The following CTNNA3 variants were observed in gnomAD, a reference collection of about 807,000 sequenced individuals.
CTNNA3 encodes catenin alpha-3.
CTNNA3 carries 76 observed loss-of-function variants against 95.7 expected under a neutral mutation model. The observed-to-expected ratio is 0.79, with a 90% CI of 0.66 to 0.96. The LOEUF is 0.96. Ranked by LOEUF, CTNNA3 falls within the 40% of genes least tolerant of loss-of-function variation. CTNNA3 has a pLI of 0.00. For synonymous variants in CTNNA3, 431 were observed against 374.4 expected, an observed-to-expected ratio of 1.15 and a Z score of -1.74; for missense variants, 1,191 against 1,089.8, an observed-to-expected ratio of 1.09 and a Z score of -1.31.
rs146851964 is a variant in CTNNA3, at chr10:67,279,190, C to T, written c.580-59320G>A. On this transcript the variant is annotated intron_variant, in intron 5 of 17. Transcript: ENST00000433211. ...CATAAAACCTAGAGTCTAAGCAACA[C>T]CAAGCCCTCAAAAGACTAAGGACAC... Among the ~76,000 whole-genome samples the T allele has an allele frequency of 2.3e-4, 35 of 152,226 alleles. 1 individual carries two copies. The highest frequency in any genetic ancestry group is 8.4e-4 in the African/African-American group (35 of 41,534).
chr10:67,189,561 T>C (rs1863025539), intron 6 of CTNNA3, among the ~76,000 whole-genome samples: 1 of 151,650 alleles, frequency 6.6e-6, no homozygotes, highest in Non-Finnish European at 1.5e-5. Flanking sequence ...TTTCAAAACA[T>C]CATGTTATAC....
intron 12 of CTNNA3, among the ~76,000 whole-genome samples, chr10:66,287,072 C>T (rs1443192620): frequency 6.6e-6 from 1 of 152,084 alleles, no homozygotes; most frequent in Non-Finnish European, 1.5e-5. Flanking sequence ...ACACTTGCCT[C>T]CAAGTATATT....
rs568913201 is a variant in CTNNA3, at chr10:67,306,933, G to T, written c.580-87063C>A. Among the ~76,000 whole-genome samples, 168 of 152,320 alleles carry T rather than the reference G, an allele frequency of 1.1e-3. 1 individual carries two copies. The highest frequency in any genetic ancestry group is 3.9e-3 in the African/African-American group (163 of 41,560). On this transcript the variant is annotated intron_variant, in intron 5 of 17. Transcript: ENST00000433211. ...TTTAATGTAAGTGTTCATGGGAAGT[G>T]AAAGTAAACATTTTGCACACAGAGA...
At chr10:67,171,312 C>G (rs543631551) in intron 7 of CTNNA3, among the ~76,000 whole-genome samples, 1 of 152,254 alleles carries the variant, frequency 6.6e-6, no homozygotes, top group Non-Finnish European at 1.5e-5. Context: ...CAGTGGCTCA[C>G]GCCCATAATC....
chr10:66,009,544 A>G (rs2078965083), intron 15 of CTNNA3, among the ~76,000 whole-genome samples: 1 of 152,142 alleles, frequency 6.6e-6, no homozygotes, highest in Non-Finnish European at 1.5e-5. Flanking sequence ...ACTTTCTAAT[A>G]TTTTCTTTTC....
At chr10:66,392,073 A>C (rs200120742) in intron 11 of CTNNA3, among the ~76,000 whole-genome samples, 5,439 of 69,396 alleles carry the variant, frequency 0.078, 126 homozygotes, top group East Asian at 0.16. Flanking sequence ...ATTTTTTTAC[A>C]AAAAAATGAA....
At chr10:66,575,771 T>C (rs2129280) in intron 10 of CTNNA3, among the ~76,000 whole-genome samples, 43,695 of 151,990 alleles carry the variant, frequency 0.29, 6,690 homozygotes, top group Middle Eastern at 0.42. Flanking sequence ...TCAAAGCAAA[T>C]ACAACATAAC....
At chr10:67,395,970 A>G (rs1487993088) in intron 5 of CTNNA3, among the ~76,000 whole-genome samples, 1 of 152,190 alleles carries the variant, frequency 6.6e-6, no homozygotes, top group Non-Finnish European at 1.5e-5. Context: ...ATTTTTTAGT[A>G]TTATTAACAG....
At chr10:66,140,295 T>G (rs1432848375) in intron 13 of CTNNA3, among the ~76,000 whole-genome samples, 3 of 152,186 alleles carry the variant, frequency 2.0e-5, no homozygotes, top group South Asian at 2.1e-4. Context: ...TCCCTCCTCC[T>G]TTCAATTCTT....
chr10:67,355,209 T>G (rs374279297), intron 5 of CTNNA3, among the ~76,000 whole-genome samples: 1 of 152,148 alleles, frequency 6.6e-6, no homozygotes, highest in Non-Finnish European at 1.5e-5. Context: ...AATTAAACTT[T>G]ATTGATATTT....
Position 67,268,824 on chromosome 10 carries a change from G to A in CTNNA3, c.580-48954C>T, listed in dbSNP as rs560020303. The stretch of plus-strand genomic sequence containing the variant: ...ATGACATTGCCCTAGGCTTTGTTGG[G>A]GATAAAAGTTAAAATATCTCAATCT... On this transcript the variant is annotated intron_variant, in intron 5 of 17. Coordinates refer to ENST00000433211, the MANE Select transcript of CTNNA3 (RefSeq NM_013266.4). Among the ~76,000 whole-genome samples, 3 of 152,042 alleles carry A rather than the reference G, an allele frequency of 2.0e-5. No homozygotes were observed. The East Asian group carries it at 5.8e-4, about 29-fold the overall frequency.
intron 12 of CTNNA3, among the ~76,000 whole-genome samples, chr10:66,321,441 A>G (rs2092184201): frequency 6.6e-6 from 1 of 152,250 alleles, no homozygotes; most frequent in Middle Eastern, 3.4e-3. Context: ...TTAACTGTGC[A>G]ATTAAAGTGA....
intron 9 of CTNNA3, among the ~76,000 whole-genome samples, chr10:66,713,903 C>T (rs546668949): frequency 4.6e-5 from 7 of 152,166 alleles, no homozygotes; most frequent in South Asian, 2.1e-4. Context: ...GGTGAACATG[C>T]ATCCTGCTGC....
intron 9 of CTNNA3, among the ~76,000 whole-genome samples, chr10:66,678,020 A>G (rs1245095226): frequency 6.6e-6 from 1 of 152,170 alleles, no homozygotes; most frequent in Non-Finnish European, 1.5e-5. Flanking sequence ...AAAACCATAC[A>G]ATCTCACTTG....
intron 5 of CTNNA3, among the ~76,000 whole-genome samples, chr10:67,358,864 G>A (rs965493275): frequency 2.6e-5 from 4 of 152,038 alleles, no homozygotes; most frequent in African/African-American, 9.7e-5. Flanking sequence ...TCTCCCCCAA[G>A]GCCCCAGAAT....
At chr10:67,751,080 C>T in intron 1 of CTNNA3, 3 of 1,442,694 alleles carry the variant, frequency 2.1e-6, no homozygotes, top group South Asian at 2.3e-5. Flanking sequence ...GTCTGTGACA[C>T]CAGCACGCAT....
chr10:66,764,072 T>C (rs1839740251), intron 9 of CTNNA3, among the ~76,000 whole-genome samples: 1 of 152,160 alleles, frequency 6.6e-6, no homozygotes, highest in African/African-American at 2.4e-5. Flanking sequence ...TGAAAGTGAC[T>C]TAGACCAAAA....
At chr10:66,993,301 A>G (rs117388432) in intron 7 of CTNNA3, among the ~76,000 whole-genome samples, 1 of 152,298 alleles carries the variant, frequency 6.6e-6, no homozygotes, top group Non-Finnish European at 1.5e-5. Flanking sequence ...CAGATGTCTT[A>G]AAGTCTAGCC....
At chr10:66,702,765 CCATCGTCGT>C (rs1280931109) in intron 9 of CTNNA3, among the ~76,000 whole-genome samples, 1 of 116,670 alleles carries the variant, frequency 8.6e-6, no homozygotes, top group Non-Finnish European at 1.7e-5. Flanking sequence ...GTAGTAGTAG[CCATCGTCGT>C]CGTCGTTGTC....
Sources: gnomAD v4.1 joint callset for allele counts (sites outside exome capture counted in the v4.1 genomes callset) on GRCh38, gnomAD v4.1.1 for gene constraint, MANE v1.5 for transcripts, NCBI Gene and HGNC (gene_info 2026-07-23, HGNC 2026-07-21) for gene names.